Variants in LGSN observed in about 807,000 individuals in gnomAD.
LGSN encodes the protein lengsin.
Under a neutral mutation model 19.5 loss-of-function variants are expected in LGSN, and 21 were observed. That is an observed-to-expected ratio of 1.07 (90% confidence interval 0.76 to 1.55). The LOEUF (loss-of-function observed/expected upper bound fraction) is 1.55, where lower values mean the gene tolerates loss of function less well. LGSN is among the 40% of genes most tolerant of loss of function. The pLI, the probability that LGSN is intolerant of heterozygous loss-of-function variation, is 0.00. For missense variants in LGSN, 673 were observed against 608.5 expected (o/e 1.11, Z -1.12); for synonymous variants, 257 against 215.6 (o/e 1.19, Z -1.68).
At chr6:63,548,750 G>A in the LGSN span, 4 of 686,248 alleles carry the variant, frequency 5.8e-6, no homozygotes, top group Admixed American at 2.1e-5. Flanking sequence ...TTGCCTTTTC[G>A]AGCTTGCCAA....
chr6:63,453,122 C>A, the LGSN span, among the ~76,000 whole-genome samples: 3 of 151,794 alleles, frequency 2.0e-5, no homozygotes, highest in Non-Finnish European at 2.9e-5. Flanking sequence ...TAATTAATTT[C>A]TATTTCTATT....
chr6:63,471,506 A>AAATACAAAATTAATT, the LGSN span, among the ~76,000 whole-genome samples: 8 of 151,794 alleles, frequency 5.3e-5, no homozygotes, highest in Admixed American at 3.9e-4. Context: ...TGTCTACTAA[A>AAATACAAAATTAATT]AATACAAAAA....
chr6:63,354,708 C>T, the LGSN span, among the ~76,000 whole-genome samples: 1 of 152,096 alleles, frequency 6.6e-6, no homozygotes, highest in African/African-American at 2.4e-5. Flanking sequence ...CAGCACTATT[C>T]ACAACAGCAA....
chr6:63,427,025 G>A, the LGSN span, among the ~76,000 whole-genome samples: 13 of 150,920 alleles, frequency 8.6e-5, no homozygotes, highest in South Asian at 2.1e-4. Context: ...ACTGACACCC[G>A]GAAATTTACA....
At chr6:63,390,859 C>CAAA in the LGSN span, among the ~76,000 whole-genome samples, 5 of 50,494 alleles carry the variant, frequency 9.9e-5, no homozygotes, top group African/African-American at 3.4e-4. Context: ...GACTCCATCT[C>CAAA]AAAAAAAAAA....
At chr6:63,539,417 CCTT>C in the LGSN span, among the ~76,000 whole-genome samples, 1 of 152,122 alleles carries the variant, frequency 6.6e-6, no homozygotes, top group Non-Finnish European at 1.5e-5. Context: ...TACTCACTAT[CCTT>C]CATGTTTAAT....
the LGSN span, among the ~76,000 whole-genome samples, chr6:63,547,585 G>A: frequency 2.2e-5 from 3 of 136,280 alleles, no homozygotes; most frequent in South Asian, 2.4e-4. Flanking sequence ...GGCTCACTGC[G>A]AGCTCCGCCT....
At chr6:63,517,236 G>A in the LGSN span, among the ~76,000 whole-genome samples, 1 of 151,974 alleles carries the variant, frequency 6.6e-6, no homozygotes, top group African/African-American at 2.4e-5. Context: ...CAGACCAGTG[G>A]CATTAAAGAA....
the LGSN span, among the ~76,000 whole-genome samples, chr6:63,356,652 G>A: frequency 6.6e-6 from 1 of 152,228 alleles, no homozygotes; most frequent in South Asian, 2.1e-4. Context: ...GTGACATTTG[G>A]ATAGAGAAGG....
chr6:63,285,736 T>A lies in LGSN; in HGVS notation c.181A>T (p.Ser61Cys), dbSNP rs756451288. 9.3e-6 allele frequency: 15 copies of A among 1,613,984 alleles called. No homozygotes were observed. The highest frequency in any genetic ancestry group is 1.3e-5 in the Non-Finnish European group (15 of 1,179,986). The change falls in exon 3 of 4, where the codon AGT becomes TGT. Residue 61 changes from serine to cysteine, a missense_variant. Transcript: ENST00000370657. ...AGTTGAGGTGGGGTCAAAATTTGAC[T>A]GCTGTCCCTCATGCAATCTGCAAAA... is the stretch of plus-strand genomic sequence containing the variant. ...SNSNDCMRDS[S>C]QILTPPQLSS...
chr6:63,555,692 C>CTTT, the LGSN span, among the ~76,000 whole-genome samples: 12 of 135,002 alleles, frequency 8.9e-5, no homozygotes, highest in African/African-American at 1.7e-4. Context: ...CAATTACACT[C>CTTT]TTTTTTTTTT....
chr6:63,314,657 C>G (rs1328120331), intron 1 of LGSN, among the ~76,000 whole-genome samples: 7 of 152,096 alleles, frequency 4.6e-5, no homozygotes, highest in Admixed American at 4.6e-4. Flanking sequence ...CTTATCCATT[C>G]TGGATAAGAA....
At chr6:63,412,718 G>GGAAA in the LGSN span, among the ~76,000 whole-genome samples, 432 of 54,780 alleles carry the variant, frequency 7.9e-3, 2 homozygotes, top group Admixed American at 0.01. Context: ...AGGGAAGGAA[G>GGAAA]GAAAGAAAGA....
At chr6:63,320,867 C>G (rs1769057041), upstream of LGSN, among the ~76,000 whole-genome samples, 1 of 152,186 alleles carries the variant, frequency 6.6e-6, no homozygotes, top group African/African-American at 2.4e-5. Context: ...CCACTCAATC[C>G]TGCCTGACTC....
chr6:63,464,251 A>C, the LGSN span, among the ~76,000 whole-genome samples: 1 of 152,232 alleles, frequency 6.6e-6, no homozygotes, highest in South Asian at 2.1e-4. Context: ...CTCATCTATA[A>C]AATGGTAATA....
chr6:63,315,348 T>C (rs1414396053), intron 1 of LGSN, among the ~76,000 whole-genome samples: 4 of 152,066 alleles, frequency 2.6e-5, no homozygotes, highest in African/African-American at 7.2e-5. Flanking sequence ...CTAGATAAAA[T>C]ATGGCATGGA....
chr6:63,301,327 T>C (rs1257421029), intron 1 of LGSN, among the ~76,000 whole-genome samples: 1 of 152,074 alleles, frequency 6.6e-6, no homozygotes, highest in Non-Finnish European at 1.5e-5. Context: ...TAATTCTATA[T>C]GTAAAGTGTA....
the LGSN span, among the ~76,000 whole-genome samples, chr6:63,493,951 C>CTTT: frequency 5.1e-5 from 7 of 137,842 alleles, no homozygotes; most frequent in Admixed American, 1.5e-4. Flanking sequence ...GAAATCATTT[C>CTTT]TTTTTTTTTT....
At chr6:63,397,573 G>A in the LGSN span, among the ~76,000 whole-genome samples, 1 of 151,990 alleles carries the variant, frequency 6.6e-6, no homozygotes, top group Non-Finnish European at 1.5e-5. Flanking sequence ...TGACAAAAAG[G>A]AGCATGATGA....
Sources: allele counts gnomAD v4.1 joint callset (sites outside exome capture counted in the v4.1 genomes callset), GRCh38; gene constraint gnomAD v4.1.1; transcripts MANE v1.5; gene names NCBI Gene and HGNC (gene_info 2026-07-23, HGNC 2026-07-21).